The following COLEC12 variants were observed in gnomAD, a reference collection of about 807,000 sequenced individuals.
The protein encoded by COLEC12 is collectin subfamily member 12, also known as collectin-12.
Under a neutral mutation model 71.1 loss-of-function variants are expected in COLEC12, and 33 were observed. The ratio of observed to expected loss-of-function variants is 0.46; its 90% CI spans 0.35 to 0.62. COLEC12 has a LOEUF of 0.62. Ranked by LOEUF, COLEC12 falls within the 20% of genes least tolerant of loss-of-function variation. The probability of loss-of-function intolerance (pLI) is 0.00; values close to 1 mark genes in which losing one functional copy is unlikely to be tolerated. For missense variants in COLEC12, 765 were observed against 916.1 expected, an observed-to-expected ratio of 0.84 and a Z score of 2.13; for synonymous variants, 350 against 353.0, an observed-to-expected ratio of 0.99 and a Z score of 0.10.
chr18:469,772 T>C (rs1917157019), intron 2 of COLEC12, among the ~76,000 whole-genome samples: 1 of 152,218 alleles, frequency 6.6e-6, no homozygotes, highest in Non-Finnish European at 1.5e-5. Flanking sequence ...AAGTGGGAGC[T>C]TCTGATTCTA....
rs115407720 is a variant in COLEC12, at chr18:461,866, A to G, written c.58+18841T>C. 5.0e-3 allele frequency among the ~76,000 whole-genome samples: 762 copies of G among 152,308 alleles called. 5 individuals are homozygous for G. The highest frequency in any genetic ancestry group is 0.017 in the African/African-American group (725 of 41,574). On this transcript the variant is annotated intron_variant, in intron 2 of 9. Transcript: ENST00000400256. ...CCCTGTACTCATATAACAGGAACTT[A>G]GGGAAGGTGGAAGAATAAGAATGTT... is the stretch of plus-strand genomic sequence containing the variant.
At chr18:392,619 A>G (rs972302782) in intron 2 of COLEC12, among the ~76,000 whole-genome samples, 2 of 152,220 alleles carry the variant, frequency 1.3e-5, no homozygotes, top group Non-Finnish European at 2.9e-5. Flanking sequence ...TGTGCATCAC[A>G]CAATTACTTC....
At position 350,923 on chromosome 18, in the gene COLEC12, G is replaced by A. The variant is rs1436836042; in HGVS notation, c.182-2760C>T. 2.8e-5 allele frequency among the ~76,000 whole-genome samples: 4 copies of A among 145,022 alleles called. No homozygotes were observed. The East Asian group carries it at 8.1e-4, about 29-fold the overall frequency. On this transcript the variant is annotated intron_variant, in intron 3 of 9. Coordinates refer to ENST00000400256, the MANE Select transcript of COLEC12 (RefSeq NM_130386.3). ...TGCAGTGAGCCGAGATCACGCCATT[G>A]CACTCCAGCCTGGGCAACAGAGCGA...
intron 1 of COLEC12, among the ~76,000 whole-genome samples, chr18:482,167 G>A (rs1244872844): frequency 6.6e-6 from 1 of 150,402 alleles, no homozygotes. Flanking sequence ...TCAGGCTGAA[G>A]TGCAGTGGCG....
chr18:323,022 C>A (rs1251002713), intron 8 of COLEC12, among the ~76,000 whole-genome samples: 3 of 152,156 alleles, frequency 2.0e-5, no homozygotes, highest in African/African-American at 7.2e-5. Flanking sequence ...GTCAGGAGTT[C>A]GAGACCAGCC....
intron 1 of COLEC12, among the ~76,000 whole-genome samples, chr18:485,441 A>G (rs1917501987): frequency 6.6e-6 from 1 of 152,254 alleles, no homozygotes; most frequent in Non-Finnish European, 1.5e-5. Context: ...ATATTAAATG[A>G]CAGAAAGTGT....
intron 2 of COLEC12, among the ~76,000 whole-genome samples, chr18:474,728 G>C (rs1917269881): frequency 1.3e-5 from 2 of 152,200 alleles, no homozygotes; most frequent in Admixed American, 1.3e-4. Flanking sequence ...CTGTCAGCCT[G>C]AGAATCTCTT....
intron 2 of COLEC12, among the ~76,000 whole-genome samples, chr18:472,220 C>CTT (rs1346260566): frequency 1.3e-5 from 2 of 152,218 alleles, no homozygotes; most frequent in Non-Finnish European, 2.9e-5. Context: ...AAGCTGGAAA[C>CTT]TGAACCCAGG....
chr18:344,374 A>C (rs1914326650), intron 5 of COLEC12, among the ~76,000 whole-genome samples: 1 of 152,206 alleles, frequency 6.6e-6, no homozygotes, highest in Non-Finnish European at 1.5e-5. Flanking sequence ...AACTTTAAAT[A>C]AGTGCAGATG....
intron 1 of COLEC12, among the ~76,000 whole-genome samples, chr18:495,771 G>A (rs866868977): frequency 6.6e-6 from 1 of 152,198 alleles, no homozygotes; most frequent in South Asian, 2.1e-4. Context: ...TTAGGGCATA[G>A]CTAGGAGGGA....
At chr18:488,766 G>A (rs532976354) in intron 1 of COLEC12, among the ~76,000 whole-genome samples, 4 of 152,032 alleles carry the variant, frequency 2.6e-5, no homozygotes, top group African/African-American at 7.2e-5. Context: ...CCAGCTACTC[G>A]GGAGGCTGAG....
chr18:448,962 A>C (rs933261660), intron 2 of COLEC12, among the ~76,000 whole-genome samples: 5 of 152,184 alleles, frequency 3.3e-5, no homozygotes, highest in Admixed American at 6.5e-5. Context: ...TGTTGGCTAG[A>C]TACACAAAAC....
intron 2 of COLEC12, among the ~76,000 whole-genome samples, chr18:401,036 C>A (rs542920245): frequency 1.3e-5 from 2 of 152,238 alleles, no homozygotes; most frequent in East Asian, 3.9e-4. Flanking sequence ...ACAACTAGAT[C>A]AGTGAAGGAA....
At chr18:463,046 G>C (rs944635707) in intron 2 of COLEC12, among the ~76,000 whole-genome samples, 1 of 152,174 alleles carries the variant, frequency 6.6e-6, no homozygotes, top group Non-Finnish European at 1.5e-5. Flanking sequence ...GTCAGGGAGA[G>C]GGTGGCAGGT....
Position 334,714 on chromosome 18 carries a change from C to T in COLEC12, c.1816+28G>A, listed in dbSNP as rs575103920. 15 of 1,454,212 alleles carry T rather than the reference C, an allele frequency of 1.0e-5. No homozygotes were observed. In the East Asian group the frequency reaches 3.2e-4, roughly 31 times the overall value. 90.1% of individuals were successfully genotyped at this position (1,454,212 alleles called of 1,614,324 possible). ...TCAAGCACATGCACTGCCCTGTCCC[C>T]CTGGCTGGAGGGAGGGCTTGGACTT... On this transcript the variant is annotated intron_variant, in intron 6 of 9. Coordinates refer to ENST00000400256, the MANE Select transcript of COLEC12 (RefSeq NM_130386.3).
chr18:439,385 T>A (rs557402373), intron 2 of COLEC12, among the ~76,000 whole-genome samples: 2 of 152,190 alleles, frequency 1.3e-5, no homozygotes, highest in South Asian at 4.1e-4. Flanking sequence ...GAAAGAGGTA[T>A]CTAGGCCAGC....
chr18:391,422 C>T (rs893804051), intron 2 of COLEC12, among the ~76,000 whole-genome samples: 2 of 152,148 alleles, frequency 1.3e-5, no homozygotes, highest in African/African-American at 4.8e-5. Context: ...AGTTCTTCAG[C>T]GAATACACAT....
At chr18:441,403 C>A (rs1419342703) in intron 2 of COLEC12, among the ~76,000 whole-genome samples, 1 of 150,238 alleles carries the variant, frequency 6.7e-6, no homozygotes, top group Non-Finnish European at 1.5e-5. Flanking sequence ...CTTTGAGAAA[C>A]ACTGGGCTTA....
chr18:454,865 A>T (rs1916834581), intron 2 of COLEC12, among the ~76,000 whole-genome samples: 1 of 152,230 alleles, frequency 6.6e-6, no homozygotes, highest in African/African-American at 2.4e-5. Context: ...CCTAAAACAG[A>T]GTCTGGCATA....
Sources: allele counts gnomAD v4.1 joint callset (sites outside exome capture counted in the v4.1 genomes callset), GRCh38; gene constraint gnomAD v4.1.1; transcripts MANE v1.5; gene names NCBI Gene and HGNC (gene_info 2026-07-23, HGNC 2026-07-21).